PDZRN4: variants seen among roughly 807,000 people sequenced by gnomAD.
PDZRN4 encodes the protein PDZ domain containing ring finger 4, also known as PDZ domain-containing RING finger protein 4.
A neutral mutation model predicts 99.0 loss-of-function variants in PDZRN4; 70 were observed. That is an observed-to-expected ratio of 0.71 (90% confidence interval 0.58 to 0.86). The LOEUF is 0.86. PDZRN4 is among the 40% of genes least tolerant of loss of function. The pLI is 0.00. For missense variants in PDZRN4, 1,474 were observed against 1,331.2 expected (o/e 1.11, Z -1.67); for synonymous variants, 551 against 501.6 (o/e 1.10, Z -1.32).
intron 3 of PDZRN4, among the ~76,000 whole-genome samples, chr12:41,243,198 A>T (rs1044697670): frequency 6.6e-6 from 1 of 152,184 alleles, no homozygotes; most frequent in Non-Finnish European, 1.5e-5. Context: ...AGCAGATTGC[A>T]TATGGAGTGA....
intron 3 of PDZRN4, among the ~76,000 whole-genome samples, chr12:41,198,731 G>A (rs1178094883): frequency 1.3e-5 from 2 of 151,370 alleles, no homozygotes; most frequent in Non-Finnish European, 2.9e-5. Flanking sequence ...TGCACATTGT[G>A]CACATGTACC....
intron 3 of PDZRN4, among the ~76,000 whole-genome samples, chr12:41,436,023 G>T (rs909320460): frequency 6.6e-6 from 1 of 152,248 alleles, no homozygotes; most frequent in Admixed American, 6.5e-5. Context: ...GAAGGAGATT[G>T]CTTATGTTTG....
intron 3 of PDZRN4, among the ~76,000 whole-genome samples, chr12:41,467,284 TG>T (rs1952936531): frequency 6.6e-6 from 1 of 152,134 alleles, no homozygotes; most frequent in Admixed American, 6.5e-5. Flanking sequence ...TTAATAGTAT[TG>T]GTCTGAAAAA....
At chr12:41,440,517 C>T (rs1164688287) in intron 3 of PDZRN4, among the ~76,000 whole-genome samples, 1 of 152,016 alleles carries the variant, frequency 6.6e-6, no homozygotes, top group Non-Finnish European at 1.5e-5. Flanking sequence ...GTAAAACAAT[C>T]AGAATGGTGC....
At chr12:41,254,241 G>A (rs1951189772) in intron 3 of PDZRN4, among the ~76,000 whole-genome samples, 1 of 152,118 alleles carries the variant, frequency 6.6e-6, no homozygotes, top group African/African-American at 2.4e-5. Flanking sequence ...AGCAGCCACA[G>A]TTTGTTATTT....
At chr12:41,477,143 T>A (rs754659986) in intron 3 of PDZRN4, among the ~76,000 whole-genome samples, 1 of 152,216 alleles carries the variant, frequency 6.6e-6, no homozygotes, top group East Asian at 1.9e-4. Context: ...CTAGGACACA[T>A]GCAGGGGATC....
intron 3 of PDZRN4, among the ~76,000 whole-genome samples, chr12:41,199,422 G>A (rs7980599): frequency 0.65 from 98,553 of 152,012 alleles, 32,200 homozygotes; most frequent in South Asian, 0.74. Context: ...ATGGAAATTC[G>A]TGTAACTCCT....
At position 41,572,525 on chromosome 12, in the gene PDZRN4, G is replaced by GAA; in HGVS notation, c.1747_1748dup (p.Ser584ArgfsTer91). ...CCGAGGACCCCAATAGCACATCTTT[G>GAA]AAGAGCAAGAGAGACCTGGGGCAGA... On this transcript the variant is annotated frameshift_variant, in exon 10 of 10. Transcript: ENST00000402685. LOFTEE classifies it high-confidence loss of function. 7 of 1,614,118 alleles carry GAA rather than the reference G, an allele frequency of 4.3e-6. No homozygotes were observed. Among genetic ancestry groups the GAA allele is most frequent in the Non-Finnish European group, 5.9e-6 (7 of 1,180,022 alleles).
intron 3 of PDZRN4, among the ~76,000 whole-genome samples, chr12:41,446,159 C>G (rs564695426): frequency 7.2e-5 from 11 of 152,188 alleles, no homozygotes; most frequent in Admixed American, 5.2e-4. Flanking sequence ...AGCTGTAAAT[C>G]TTGCTTTATG....
intron 9 of PDZRN4, 117 bp downstream of exon 9, chr12:41,568,016 G>T: frequency 1.6e-6 from 1 of 614,564 alleles, no homozygotes. Context: ...TCTCTATCAT[G>T]GTAATTTTTT....
At chr12:41,376,213 A>G (rs145695979) in intron 3 of PDZRN4, among the ~76,000 whole-genome samples, 14 of 152,192 alleles carry the variant, frequency 9.2e-5, no homozygotes, top group African/African-American at 3.4e-4. Context: ...TTTTCAACAT[A>G]CTGATTTTGT....
chr12:41,516,689 G>A (rs767984094), intron 5 of PDZRN4, among the ~76,000 whole-genome samples: 6 of 151,936 alleles, frequency 3.9e-5, no homozygotes, highest in African/African-American at 7.2e-5. Context: ...AAAGAATGAC[G>A]GGGGTTCTGG....
At chr12:41,516,428 A>C (rs564529259) in intron 5 of PDZRN4, among the ~76,000 whole-genome samples, 78 of 152,200 alleles carry the variant, frequency 5.1e-4, no homozygotes, top group African/African-American at 1.7e-3. Flanking sequence ...CAAAGTGCTA[A>C]ATTGGGGGAG....
intron 3 of PDZRN4, among the ~76,000 whole-genome samples, chr12:41,484,948 G>T (rs1937745760): frequency 1.3e-5 from 2 of 152,148 alleles, no homozygotes; most frequent in Middle Eastern, 3.4e-3. Flanking sequence ...GTCCAAGGCT[G>T]GTCCTTACCA....
At chr12:41,386,232 C>T (rs1355721359) in intron 3 of PDZRN4, among the ~76,000 whole-genome samples, 1 of 152,166 alleles carries the variant, frequency 6.6e-6, no homozygotes, top group Non-Finnish European at 1.5e-5. Context: ...AAGCAGGAAG[C>T]ATTCCCCTTG....
chr12:41,319,181 T>C (rs1951658166), intron 3 of PDZRN4, among the ~76,000 whole-genome samples: 1 of 152,276 alleles, frequency 6.6e-6, no homozygotes, highest in Admixed American at 6.5e-5. Flanking sequence ...AACCTCCCTT[T>C]GAAGTCTTCC....
intron 3 of PDZRN4, among the ~76,000 whole-genome samples, chr12:41,378,597 A>G (rs942613883): frequency 1.5e-5 from 2 of 136,388 alleles, no homozygotes; most frequent in Admixed American, 1.7e-4. Context: ...ATCTTGGCTC[A>G]CTGCAACATC....
rs1470283918 is a variant in PDZRN4, at chr12:41,372,271, G to A, written c.844-134185G>A. On this transcript the variant is annotated intron_variant, in intron 3 of 9. Coordinates refer to ENST00000402685, the MANE Select transcript of PDZRN4 (RefSeq NM_001164595.2). ...CAGTTATATAAAATGTGATTATTAT[G>A]CATTCATTTAGCAACTATTCAATGT... 5.5e-4 allele frequency among the ~76,000 whole-genome samples: 84 copies of A among 152,082 alleles called. 1 individual carries two copies. The highest frequency in any genetic ancestry group is 5.5e-3 in the Admixed American group (84 of 15,246).
intron 3 of PDZRN4, chr12:41,411,563 G>C (rs1002094084): frequency 6.6e-6 from 1 of 152,162 alleles, no homozygotes; most frequent in Non-Finnish European, 1.5e-5. Context: ...ATCAACAAAA[G>C]CACAGATATT....
Sources: allele counts gnomAD v4.1 joint callset (sites outside exome capture counted in the v4.1 genomes callset), GRCh38; gene constraint gnomAD v4.1.1; transcripts MANE v1.5; gene names NCBI Gene and HGNC (gene_info 2026-07-23, HGNC 2026-07-21).